Variants in OR10H1 observed in about 807,000 individuals in gnomAD.
The protein encoded by OR10H1 is olfactory receptor 10H1.
In OR10H1, 12 loss-of-function variants were observed where a neutral mutation model predicts 13.1. The observed-to-expected ratio is 0.92, with a 90% CI of 0.59 to 1.48. The LOEUF is 1.48. Ranked by LOEUF, OR10H1 falls within the 40% of genes most tolerant of loss-of-function variation. The pLI is 0.00. For missense variants in OR10H1, 363 were observed against 413.1 expected (o/e 0.88, Z 1.05); for synonymous variants, 168 against 175.6 (o/e 0.96, Z 0.34).
At chr19:15,808,136 G>A in intron 3 of OR10H1, 88 bp from the exon 4 acceptor site, 1 of 1,079,464 alleles carries the variant, frequency 9.3e-7, no homozygotes, top group Non-Finnish European at 1.4e-6. Flanking sequence ...CCAAGGGACT[G>A]CTCTTGATAA....
chr19:15,814,126 G>C (rs1568454987), intron 1 of OR10H1, among the ~76,000 whole-genome samples: 1 of 152,046 alleles, frequency 6.6e-6, no homozygotes, highest in Non-Finnish European at 1.5e-5. Context: ...CCTGTGCACT[G>C]CAGGAGACTG....
At chr19:15,810,113 G>A (rs927038368) in intron 2 of OR10H1, among the ~76,000 whole-genome samples, 1 of 151,966 alleles carries the variant, frequency 6.6e-6, no homozygotes, top group South Asian at 2.1e-4. Flanking sequence ...TGGGCAACAT[G>A]GTGAAACCCT....
Position 15,807,976 on chromosome 19 carries a change from G to A in OR10H1, c.62C>T (p.Pro21Leu). Residue 21 changes from proline to leucine, a missense_variant, in exon 4 of 4, where the codon CCC (proline) becomes CTC (leucine). This residue lies in a region of OR10H1 where 318 missense variants were observed against 366.6 expected (regional missense o/e 0.87). Coordinates refer to ENST00000641419, the MANE Select transcript of OR10H1 (RefSeq NM_013940.4). ...CAGGAAGAGCATCAGCTGGAGGTGG[G>A]GGAAGACAGAGAAGCCGACGAGGAT... ...QFILVGFSVF[P>L]HLQLMLFLLF... 1 of 1,614,160 alleles carries A rather than the reference G, an allele frequency of 6.2e-7. No individual in the cohort carries two copies. Among genetic ancestry groups the A allele is most frequent in the Non-Finnish European group, 8.5e-7 (1 of 1,180,024 alleles).
intron 2 of OR10H1, among the ~76,000 whole-genome samples, chr19:15,811,236 A>G (rs1448238405): frequency 6.6e-6 from 1 of 152,168 alleles, no homozygotes; most frequent in African/African-American, 2.4e-5. Context: ...CCACTCTGAG[A>G]TCTTAGAGGA....
Position 15,805,303 on chromosome 19 carries a change from T to C in OR10H1, c.*1778A>G, listed in dbSNP as rs2088889288. 6.6e-6 allele frequency: 1 copy of C among 152,174 alleles called. No homozygotes were observed. The highest frequency in any genetic ancestry group is 1.5e-5 in the Non-Finnish European group (1 of 68,032). 9.4% of individuals were successfully genotyped at this position (152,174 alleles called of 1,614,324 possible). Reference sequence around the variant, plus strand: ...TGGGTTGTTTTGACTGCTTGAATGATGGAGAATTCACACTTTAGAAAAAAA... The same window carrying C: ...TGGGTTGTTTTGACTGCTTGAATGACGGAGAATTCACACTTTAGAAAAAAA... On this transcript the variant is annotated 3_prime_UTR_variant, in exon 4 of 4. Coordinates refer to ENST00000641419, the MANE Select transcript of OR10H1 (RefSeq NM_013940.4).
At chr19:15,815,256 G>A (rs1487407720) in intron 1 of OR10H1, among the ~76,000 whole-genome samples, 1 of 151,322 alleles carries the variant, frequency 6.6e-6, no homozygotes, top group Non-Finnish European at 1.5e-5. Context: ...GAGAAGAATC[G>A]CTTGAACCTG....
intron 2 of OR10H1, among the ~76,000 whole-genome samples, chr19:15,810,642 T>A (rs2088927924): frequency 6.6e-6 from 1 of 151,704 alleles, no homozygotes; most frequent in Non-Finnish European, 1.5e-5. Context: ...AACCTATCAG[T>A]GGTTTCCAGG....
At chr19:15,808,268 T>C in intron 3 of OR10H1, 2 of 548,832 alleles carry the variant, frequency 3.6e-6, no homozygotes, top group East Asian at 5.9e-5. Flanking sequence ...ATTGAGAATA[T>C]TGAAATGTAG....
At chr19:15,815,399 C>T (rs990037959) in intron 1 of OR10H1, among the ~76,000 whole-genome samples, 156 bp downstream of exon 1, 7 of 151,924 alleles carry the variant, frequency 4.6e-5, no homozygotes, top group African/African-American at 1.7e-4. Flanking sequence ...AGCACACTGA[C>T]TAAGACGTGG....
Position 15,807,239 on chromosome 19 carries a change from G to A in OR10H1, c.799C>T (p.Gln267Ter). ...SVIYLKPKSP[Q>*]SLEGDTLMGI... ...ATCAAGGTGTCTCCTTCCAGAGACTGGGGACTTTTGGGCTTCAGGTAAATG... is the reference window on the plus strand; with the variant it reads ...ATCAAGGTGTCTCCTTCCAGAGACTAGGGACTTTTGGGCTTCAGGTAAATG... Residue 267 changes from glutamine (Q) to a stop codon, truncating the protein, a stop_gained, in exon 4 of 4, where the codon CAG (glutamine) becomes TAG (stop). Transcript: ENST00000641419. LOFTEE classifies it high-confidence loss of function. 6.2e-7 allele frequency: 1 copy of A among 1,614,140 alleles called. No homozygotes were observed. The highest frequency in any genetic ancestry group is 8.5e-7 in the Non-Finnish European group (1 of 1,180,036).
chr19:15,812,155 G>A (rs1355391566), intron 2 of OR10H1, 75 bp downstream of exon 2: 2 of 152,294 alleles, frequency 1.3e-5, no homozygotes, highest in East Asian at 1.9e-4. Context: ...TGAGTCTGAA[G>A]TGGGGGCCCA....
chr19:15,810,430 T>A (rs186728548), intron 2 of OR10H1, among the ~76,000 whole-genome samples: 2 of 151,684 alleles, frequency 1.3e-5, no homozygotes, highest in Non-Finnish European at 2.9e-5. Flanking sequence ...CTGAACATAA[T>A]GTTTTAGGGT....
In OR10H1 at chr19:15,807,921, C is replaced by A. The variant is rs1351944217; in HGVS notation, c.117G>T (p.Leu39=). The change falls in exon 4 of 4, where the codon CTG becomes CTT. Residue 39 remains leucine, a synonymous_variant. Transcript: ENST00000641419. ...TGGCCATGATGAGCAGGTTGCCCAGCAGCGTGAACAGGTACATCAGCAGGA... is the reference window on the plus strand; with the variant it reads ...TGGCCATGATGAGCAGGTTGCCCAGAAGCGTGAACAGGTACATCAGCAGGA... ...LLFLLMYLFT[L]LGNLLIMATV... The A allele has an allele frequency of 6.2e-7, 1 of 1,614,072 alleles. No homozygotes were observed. Among genetic ancestry groups the A allele is most frequent in the South Asian group, 1.1e-5 (1 of 91,074 alleles).
chr19:15,807,583 C>T lies in OR10H1; in HGVS notation c.455G>A (p.Gly152Asp). 6.2e-7 allele frequency: 1 copy of T among 1,614,240 alleles called. No homozygotes were observed. Among genetic ancestry groups the T allele is most frequent in the Non-Finnish European group, 8.5e-7 (1 of 1,180,042 alleles). Residue 152 changes from glycine (G) to aspartate (D), a missense_variant, in exon 4 of 4, where the codon GGC becomes GAC. Transcript: ENST00000641419. ...GGTCACCACCATCCCCATGACCAAG[C>T]CACCAGCCCAGGAGCAGCCCACCAG... is the stretch of plus-strand genomic sequence containing the variant. The part of the protein sequence containing the change: ...ACLVGCSWAG[G>D]LVMGMVVTSA...
At chr19:15,814,480 T>TGAG (rs2088954687) in intron 1 of OR10H1, among the ~76,000 whole-genome samples, 1 of 67,966 alleles carries the variant, frequency 1.5e-5, no homozygotes, top group Non-Finnish European at 2.8e-5. Context: ...TGTGTGTGTG[T>TGAG]GAGAGAGAGA....
At chr19:15,814,480 TGAGAGAGAGAGAGA>T (rs58307648) in intron 1 of OR10H1, among the ~76,000 whole-genome samples, 2,319 of 67,372 alleles carry the variant, frequency 0.034, 24 homozygotes, top group Middle Eastern at 0.078. Context: ...TGTGTGTGTG[TGAGAGAGAGAGAGA>T]GAGAGAGAGA....
chr19:15,810,751 G>T (rs1259804810), intron 2 of OR10H1, among the ~76,000 whole-genome samples: 1 of 152,060 alleles, frequency 6.6e-6, no homozygotes, highest in Admixed American at 6.6e-5. Context: ...ACTAGGCAAA[G>T]GTGGTGTTAG....
At position 15,807,855 on chromosome 19, in the gene OR10H1, G is replaced by A. The variant is rs757744623; in HGVS notation, c.183C>T (p.Leu61=). 4 of 1,612,224 alleles carry A rather than the reference G, an allele frequency of 2.5e-6. No individual in the cohort carries two copies. Among genetic ancestry groups the A allele is most frequent in the Non-Finnish European group, 3.4e-6 (4 of 1,178,380 alleles). ...CGGAGACGGAGAGGGCGCACAGGAA[G>A]AGGTACATGGGCGTGTGGAGGCTGC... The part of the protein sequence containing the change: ...SERSLHTPMY[L]FLCALSVSEI... The change falls in exon 4 of 4, where the codon CTC becomes CTT. Residue 61 remains leucine (L), a synonymous_variant. Coordinates refer to ENST00000641419, the MANE Select transcript of OR10H1 (RefSeq NM_013940.4).
rs964579292 is a variant in OR10H1 at position 15,812,863 on chromosome 19, G to A, written c.-762C>T. 1 of 152,166 alleles carries A rather than the reference G, an allele frequency of 6.6e-6. No homozygotes were observed. The highest frequency in any genetic ancestry group is 2.4e-5 in the African/African-American group (1 of 41,404). 9.4% of individuals were successfully genotyped at this position (152,166 alleles called of 1,614,324 possible). ...GATGGGATGCAGAATGCAGCTAAAA[G>A]GGTAGTCCAGTCATTCTGGAAAAAT... is the stretch of plus-strand genomic sequence containing the variant. On this transcript the variant is annotated 5_prime_UTR_variant, in exon 2 of 4. Coordinates refer to ENST00000641419, the MANE Select transcript of OR10H1 (RefSeq NM_013940.4).
Sources: gnomAD v4.1 joint callset for allele counts (sites outside exome capture counted in the v4.1 genomes callset) on GRCh38, gnomAD v4.1.1 for gene constraint, gnomAD v4.1.1 regional missense constraint, MANE v1.5 for transcripts, NCBI Gene and HGNC (gene_info 2026-07-23, HGNC 2026-07-21) for gene names.